The following PDE4D variants were observed in gnomAD, a reference collection of about 807,000 sequenced individuals.
PDE4D encodes 3',5'-cyclic-AMP phosphodiesterase 4D.
A neutral mutation model predicts 87.4 loss-of-function variants in PDE4D; 24 were observed. The ratio of observed to expected loss-of-function variants is 0.27; its 90% CI spans 0.20 to 0.39. The LOEUF (loss-of-function observed/expected upper bound fraction) is 0.39, where lower values mean the gene tolerates loss of function less well. Among genes scored for constraint, PDE4D ranks in the 10% least tolerant of loss-of-function variants. The probability of loss-of-function intolerance (pLI) is 1.00; values close to 1 mark genes in which losing one functional copy is unlikely to be tolerated. For synonymous variants in PDE4D, 384 were observed against 383.2 expected, an observed-to-expected ratio of 1.00 and a Z score of -0.02; for missense variants, 714 against 1,041.0, an observed-to-expected ratio of 0.69 and a Z score of 4.32.
intron 1 of PDE4D, among the ~76,000 whole-genome samples, chr5:59,391,446 G>A (rs1055027648): frequency 6.6e-6 from 1 of 152,064 alleles, no homozygotes; most frequent in Non-Finnish European, 1.5e-5. Context: ...CTTAAAAAGA[G>A]TACCTGTCTG....
chr5:60,517,639 C>G (rs1334968489), intron 1 of PDE4D, among the ~76,000 whole-genome samples: 1 of 150,056 alleles, frequency 6.7e-6, no homozygotes, highest in Non-Finnish European at 1.5e-5. Flanking sequence ...GAGGAGCTAC[C>G]CACTGTGGGT....
At chr5:60,351,137 T>C (rs899051623) in intron 1 of PDE4D, among the ~76,000 whole-genome samples, 6 of 152,180 alleles carry the variant, frequency 3.9e-5, no homozygotes, top group African/African-American at 1.2e-4. Flanking sequence ...GAAACTCCGT[T>C]TGTGGCCCTA....
chr5:60,329,998 AT>A (rs1208488204), intron 1 of PDE4D, among the ~76,000 whole-genome samples: 1 of 152,184 alleles, frequency 6.6e-6, no homozygotes, highest in Admixed American at 6.5e-5. Flanking sequence ...GGGCAAAACC[AT>A]TTGCTTAAGA....
intron 1 of PDE4D, among the ~76,000 whole-genome samples, chr5:59,512,965 G>C (rs1810519746): frequency 6.6e-6 from 1 of 152,018 alleles, no homozygotes; most frequent in African/African-American, 2.4e-5. Flanking sequence ...TACAGTTTAG[G>C]TTGTTTTTCC....
intron 2 of PDE4D, among the ~76,000 whole-genome samples, chr5:60,087,030 G>T (rs952652057): frequency 6.6e-6 from 1 of 152,170 alleles, no homozygotes; most frequent in South Asian, 2.1e-4. Context: ...ACTGAGTTCT[G>T]GTACTCACCT....
At chr5:59,938,575 C>T in intron 3 of PDE4D, among the ~76,000 whole-genome samples, 1 of 152,172 alleles carries the variant, frequency 6.6e-6, no homozygotes, top group East Asian at 1.9e-4. Context: ...CATGGATATG[C>T]TAATAATCAG....
intron 1 of PDE4D, among the ~76,000 whole-genome samples, chr5:60,279,769 C>T (rs959195469): frequency 6.6e-6 from 1 of 151,092 alleles, no homozygotes; most frequent in Non-Finnish European, 1.5e-5. Flanking sequence ...ACTGCATCCT[C>T]GACCTCCCGG....
At chr5:60,303,727 T>A (rs1379583210) in intron 1 of PDE4D, among the ~76,000 whole-genome samples, 3 of 152,206 alleles carry the variant, frequency 2.0e-5, no homozygotes, top group Non-Finnish European at 2.9e-5. Flanking sequence ...ATGTGATTAA[T>A]TTTGAGTCAG....
chr5:59,084,669 T>C (rs1257157579), intron 5 of PDE4D, among the ~76,000 whole-genome samples: 1 of 151,932 alleles, frequency 6.6e-6, no homozygotes, highest in African/African-American at 2.4e-5. Context: ...GTCAGATCAC[T>C]TGAGTCCAGG....
intron 1 of PDE4D, among the ~76,000 whole-genome samples, chr5:59,883,695 C>T (rs1749774513): frequency 6.6e-6 from 1 of 152,148 alleles, no homozygotes; most frequent in Admixed American, 6.6e-5. Flanking sequence ...CCAAGCAACT[C>T]ATTTTTTAAC....
At position 60,014,729 on chromosome 5, in the gene PDE4D, G is replaced by A. The variant is rs532187863; in HGVS notation, c.43-26012C>T. ...AAATTACAAAGTTTAAAAAGAAGCT[G>A]TGCCACCTTGGAAGAAAAGGGAGAG... On this transcript the variant is annotated intron_variant, in intron 2 of 16. Transcript: ENST00000502484. Among the ~76,000 whole-genome samples the A allele has an allele frequency of 2.6e-5, 4 of 152,290 alleles. No individual in the cohort carries two copies. The South Asian group carries it at 8.3e-4, about 32-fold the overall frequency.
At chr5:59,655,837 G>A (rs938878538) in intron 1 of PDE4D, among the ~76,000 whole-genome samples, 6 of 152,132 alleles carry the variant, frequency 3.9e-5, no homozygotes, top group Admixed American at 6.5e-5. Context: ...AGCAGGCTAA[G>A]CGCTTCCAAA....
intron 1 of PDE4D, among the ~76,000 whole-genome samples, chr5:59,871,424 C>T (rs756110735): frequency 1.6e-4 from 25 of 152,254 alleles, no homozygotes; most frequent in Non-Finnish European, 3.1e-4. Flanking sequence ...GAACAGAAAA[C>T]CCAGCTAAGT....
intron 1 of PDE4D, among the ~76,000 whole-genome samples, chr5:59,352,089 C>T (rs1039828328): frequency 6.6e-6 from 1 of 152,104 alleles, no homozygotes; most frequent in Non-Finnish European, 1.5e-5. Context: ...AGATCCACCT[C>T]CCGAGGCTGT....
At chr5:60,256,412 CTATTT>C (rs775435248) in intron 1 of PDE4D, among the ~76,000 whole-genome samples, 3 of 151,894 alleles carry the variant, frequency 2.0e-5, no homozygotes, top group Non-Finnish European at 4.4e-5. Context: ...TAATCACAAT[CTATTT>C]TATTTTATAA....
intron 1 of PDE4D, among the ~76,000 whole-genome samples, chr5:59,283,426 C>T (rs1053521314): frequency 1.4e-4 from 22 of 152,028 alleles, no homozygotes; most frequent in Non-Finnish European, 3.2e-4. Flanking sequence ...AAGATACAAA[C>T]CTTAAAATGT....
chr5:60,088,309 C>A (rs536047230), intron 2 of PDE4D, among the ~76,000 whole-genome samples: 1 of 149,922 alleles, frequency 6.7e-6, no homozygotes, highest in Non-Finnish European at 1.5e-5. Context: ...AAACAAAAAA[C>A]AAAAAACAAA....
chr5:60,298,479 G>T (rs183130110), intron 1 of PDE4D, among the ~76,000 whole-genome samples: 1 of 152,142 alleles, frequency 6.6e-6, no homozygotes, highest in Non-Finnish European at 1.5e-5. Context: ...TTTAAGTCAT[G>T]ACTATGGAAA....
At chr5:58,979,504 T>C (rs750316992) in intron 11 of PDE4D, among the ~76,000 whole-genome samples, 1 of 152,152 alleles carries the variant, frequency 6.6e-6, no homozygotes, top group Non-Finnish European at 1.5e-5. Flanking sequence ...ACATTTAAAT[T>C]GGGAGGTAGG....
Sources: gnomAD v4.1 joint callset for allele counts (sites outside exome capture counted in the v4.1 genomes callset) on GRCh38, gnomAD v4.1.1 for gene constraint, MANE v1.5 for transcripts, NCBI Gene and HGNC (gene_info 2026-07-23, HGNC 2026-07-21) for gene names.